Variants in DPP10 observed in about 807,000 individuals in gnomAD.
DPP10 encodes inactive dipeptidyl peptidase 10.
Under a neutral mutation model 120.9 loss-of-function variants are expected in DPP10, and 33 were observed. The observed-to-expected ratio is 0.27, with a 90% CI of 0.21 to 0.37. The LOEUF (loss-of-function observed/expected upper bound fraction) is 0.37, where lower values mean the gene tolerates loss of function less well. Ranked by LOEUF, DPP10 falls within the 10% of genes least tolerant of loss-of-function variation. The probability of loss-of-function intolerance (pLI) is 1.00; values close to 1 mark genes in which losing one functional copy is unlikely to be tolerated. For missense variants in DPP10, 816 were observed against 942.8 expected (o/e 0.87, Z 1.76); for synonymous variants, 337 against 326.1 (o/e 1.03, Z -0.36).
intron 1 of DPP10, among the ~76,000 whole-genome samples, chr2:114,962,869 AC>A (rs1189771969): frequency 1.3e-5 from 2 of 152,216 alleles, no homozygotes; most frequent in African/African-American, 4.8e-5. Context: ...CATTGAATGT[AC>A]TTTATAGGAA....
intron 1 of DPP10, among the ~76,000 whole-genome samples, chr2:114,633,158 C>T (rs1695059776): frequency 6.7e-6 from 1 of 149,528 alleles, no homozygotes; most frequent in African/African-American, 2.5e-5. Flanking sequence ...AAATGGAAAT[C>T]AATTACTTTG....
intron 5 of DPP10, among the ~76,000 whole-genome samples, chr2:115,633,088 T>C (rs891207785): frequency 1.3e-5 from 2 of 152,074 alleles, no homozygotes; most frequent in Admixed American, 1.3e-4. Flanking sequence ...TGGGTATATA[T>C]CCAAAGGATT....
intron 1 of DPP10, among the ~76,000 whole-genome samples, chr2:115,168,374 A>G (rs570963131): frequency 6.6e-6 from 1 of 152,318 alleles, no homozygotes; most frequent in South Asian, 2.1e-4. Flanking sequence ...AGACTTGTGC[A>G]AGGTCCAAAA....
At chr2:115,663,785 G>T (rs1004467750) in intron 5 of DPP10, among the ~76,000 whole-genome samples, 1 of 151,878 alleles carries the variant, frequency 6.6e-6, no homozygotes, top group African/African-American at 2.4e-5. Context: ...TCACGAGGTC[G>T]GGAGGTCCAG....
At chr2:115,090,984 G>T (rs1190685242) in intron 1 of DPP10, among the ~76,000 whole-genome samples, 1 of 152,168 alleles carries the variant, frequency 6.6e-6, no homozygotes, top group East Asian at 1.9e-4. Flanking sequence ...GGTGGTTTTT[G>T]ATCAAGGTGA....
In DPP10 at chr2:114,724,527, T is replaced by A. The variant is rs568090105; in HGVS notation, c.60+281689T>A. On this transcript the variant is annotated intron_variant, in intron 1 of 25. Transcript: ENST00000410059. ...CAGTCTGTATTACACAATAGACTCA[T>A]ACATACTCAGCCGGTTTGGGGGGTA... Among the ~76,000 whole-genome samples the A allele has an allele frequency of 9.4e-4, 143 of 152,288 alleles. 1 individual carries two copies. The highest frequency in any genetic ancestry group is 1.3e-3 in the Non-Finnish European group (89 of 68,028).
At chr2:114,761,444 G>T (rs1326234284) in intron 1 of DPP10, among the ~76,000 whole-genome samples, 3 of 152,078 alleles carry the variant, frequency 2.0e-5, no homozygotes, top group Admixed American at 2.0e-4. Flanking sequence ...AAAGAGACTC[G>T]CTCGTATGCT....
chr2:114,736,319 T>G (rs1249665326), intron 1 of DPP10, among the ~76,000 whole-genome samples: 1 of 152,080 alleles, frequency 6.6e-6, no homozygotes, highest in Non-Finnish European at 1.5e-5. Flanking sequence ...TCTGAGTTTC[T>G]CAAGTGCAAA....
At chr2:115,348,392 A>G (rs1183031356) in intron 3 of DPP10, among the ~76,000 whole-genome samples, 1 of 152,148 alleles carries the variant, frequency 6.6e-6, no homozygotes, top group South Asian at 2.1e-4. Flanking sequence ...CACATTGTCT[A>G]TTGTGTAACA....
intron 1 of DPP10, among the ~76,000 whole-genome samples, chr2:114,587,973 A>T (rs1691142791): frequency 6.6e-6 from 1 of 152,252 alleles, no homozygotes; most frequent in African/African-American, 2.4e-5. Flanking sequence ...AAAATGAAGC[A>T]ACATTTACTG....
chr2:115,226,316 G>T (rs779225158), intron 1 of DPP10, among the ~76,000 whole-genome samples: 1 of 152,084 alleles, frequency 6.6e-6, no homozygotes. Flanking sequence ...TGAGTTGTAC[G>T]TGTGAGTAAA....
At chr2:115,218,450 T>C (rs1043687604) in intron 1 of DPP10, among the ~76,000 whole-genome samples, 4 of 152,156 alleles carry the variant, frequency 2.6e-5, no homozygotes, top group Non-Finnish European at 5.9e-5. Flanking sequence ...CCTTAAAACA[T>C]GACATTTGAA....
intron 5 of DPP10, among the ~76,000 whole-genome samples, chr2:115,596,431 T>G (rs905857651): frequency 2.0e-5 from 3 of 152,132 alleles, no homozygotes; most frequent in Admixed American, 6.6e-5. Context: ...TTAGAGCTCT[T>G]TTACATATTT....
chr2:115,282,293 C>T (rs1251508012), intron 1 of DPP10, among the ~76,000 whole-genome samples: 1 of 151,920 alleles, frequency 6.6e-6, no homozygotes, highest in Non-Finnish European at 1.5e-5. Context: ...TTAACTATTA[C>T]AATTTTTAGA....
At chr2:114,654,187 A>C (rs1334690847) in intron 1 of DPP10, among the ~76,000 whole-genome samples, 2 of 152,134 alleles carry the variant, frequency 1.3e-5, no homozygotes, top group Non-Finnish European at 2.9e-5. Context: ...AGTAAACTGC[A>C]CTCGAAATGG....
At chr2:115,286,534 T>TTAC (rs1559366989) in intron 1 of DPP10, among the ~76,000 whole-genome samples, 4 of 116,348 alleles carry the variant, frequency 3.4e-5, no homozygotes, top group Admixed American at 9.0e-5. Context: ...ATAATATATA[T>TTAC]ATATATAAAA....
chr2:115,308,593 TCAACC>T (rs2061452434), intron 1 of DPP10, among the ~76,000 whole-genome samples: 1 of 151,890 alleles, frequency 6.6e-6, no homozygotes, highest in Non-Finnish European at 1.5e-5. Flanking sequence ...ATTTTCCCCA[TCAACC>T]ATACCTTTTT....
At chr2:115,455,333 T>C (rs2073438304) in intron 3 of DPP10, among the ~76,000 whole-genome samples, 1 of 151,804 alleles carries the variant, frequency 6.6e-6, no homozygotes, top group South Asian at 2.1e-4. Flanking sequence ...TATGTGAAAA[T>C]GTTAAGGACC....
At chr2:115,511,279 A>T (rs2077208829) in intron 4 of DPP10, among the ~76,000 whole-genome samples, 1 of 152,240 alleles carries the variant, frequency 6.6e-6, no homozygotes, top group South Asian at 2.1e-4. Context: ...TTATAAGCCT[A>T]TTCCAAATAT....
Sources: allele counts gnomAD v4.1 joint callset (sites outside exome capture counted in the v4.1 genomes callset), GRCh38; gene constraint gnomAD v4.1.1; transcripts MANE v1.5; gene names NCBI Gene and HGNC (gene_info 2026-07-23, HGNC 2026-07-21).